Variants in MMP16 observed in about 807,000 individuals in gnomAD.
The protein encoded by MMP16 is matrix metalloproteinase-16.
MMP16 carries 12 observed loss-of-function variants against 67.8 expected under a neutral mutation model. The ratio of observed to expected loss-of-function variants is 0.18; its 90% CI spans 0.11 to 0.29. The LOEUF is 0.29. Among genes scored for constraint, MMP16 ranks in the 10% least tolerant of loss-of-function variants. The probability of loss-of-function intolerance (pLI) is 1.00; values close to 1 mark genes in which losing one functional copy is unlikely to be tolerated. For synonymous variants in MMP16, 249 were observed against 255.9 expected, an observed-to-expected ratio of 0.97 and a Z score of 0.26; for missense variants, 475 against 765.7, an observed-to-expected ratio of 0.62 and a Z score of 4.48.
chr8:88,324,534 C>T (rs1297032756), intron 1 of MMP16, among the ~76,000 whole-genome samples: 1 of 152,104 alleles, frequency 6.6e-6, no homozygotes, highest in Non-Finnish European at 1.5e-5. Context: ...TTTGTTCCAA[C>T]TATAAAAACT....
In MMP16 at chr8:88,079,314, T is replaced by C. The variant is rs148839128; in HGVS notation, c.1084-4571A>G. Among the ~76,000 whole-genome samples, 317 of 152,300 alleles carry C rather than the reference T, an allele frequency of 2.1e-3. 5 individuals are homozygous for C. The highest frequency in any genetic ancestry group is 7.3e-3 in the African/African-American group (304 of 41,572). ...ATAAGGTATTTTGAGAGAGAGACCA[T>C]ATACGCAAAACTTTTATCACAGTAT... On this transcript the variant is annotated intron_variant, in intron 6 of 9. Transcript: ENST00000286614.
chr8:88,163,815 C>T (rs972790763), intron 4 of MMP16, among the ~76,000 whole-genome samples: 1 of 152,014 alleles, frequency 6.6e-6, no homozygotes, highest in African/African-American at 2.4e-5. Flanking sequence ...TATCATGATA[C>T]ATATTTTCTA....
intron 4 of MMP16, among the ~76,000 whole-genome samples, chr8:88,120,109 C>T (rs893995279): frequency 6.6e-6 from 1 of 151,772 alleles, no homozygotes; most frequent in African/African-American, 2.4e-5. Flanking sequence ...TTCCTGTGGT[C>T]TACCTGATTA....
intron 1 of MMP16, among the ~76,000 whole-genome samples, chr8:88,216,308 CAA>C (rs1223738789): frequency 1.3e-5 from 2 of 151,958 alleles, no homozygotes; most frequent in Non-Finnish European, 2.9e-5. Context: ...GGTTAAATAA[CAA>C]AGTTTTAATT....
chr8:88,078,070 C>G (rs1382423645), intron 6 of MMP16, among the ~76,000 whole-genome samples: 1 of 152,004 alleles, frequency 6.6e-6, no homozygotes, highest in Non-Finnish European at 1.5e-5. Context: ...CTCTCTCCCT[C>G]CCTCTTTGTT....
chr8:88,047,883 G>A (rs1367116736), intron 8 of MMP16, among the ~76,000 whole-genome samples: 3 of 152,180 alleles, frequency 2.0e-5, no homozygotes, highest in Non-Finnish European at 4.4e-5. Context: ...CAGTCGGGAT[G>A]TCACTGCAAT....
At chr8:88,166,945 C>G (rs1808724425) in intron 4 of MMP16, among the ~76,000 whole-genome samples, 2 of 151,610 alleles carry the variant, frequency 1.3e-5, no homozygotes, top group Non-Finnish European at 2.9e-5. Flanking sequence ...GCCTGTAACC[C>G]CAGCACTTTG....
chr8:88,295,643 G>C (rs567563838), intron 1 of MMP16, among the ~76,000 whole-genome samples: 9 of 152,010 alleles, frequency 5.9e-5, no homozygotes, highest in Non-Finnish European at 1.3e-4. Flanking sequence ...AGATTTTCAA[G>C]TGTCTTTTTT....
At chr8:88,138,822 A>G (rs1808165353) in intron 4 of MMP16, among the ~76,000 whole-genome samples, 1 of 152,026 alleles carries the variant, frequency 6.6e-6, no homozygotes, top group Non-Finnish European at 1.5e-5. Flanking sequence ...ACACATACAC[A>G]TATACATATA....
chr8:88,326,183 G>A (rs1036181325), intron 1 of MMP16, among the ~76,000 whole-genome samples: 5 of 152,288 alleles, frequency 3.3e-5, no homozygotes, highest in East Asian at 1.9e-4. Context: ...ATGTGATAAA[G>A]TTGTGTTACA....
chr8:88,232,173 G>A (rs13439559), intron 1 of MMP16, among the ~76,000 whole-genome samples: 26,469 of 152,048 alleles, frequency 0.17, 2,449 homozygotes, highest in South Asian at 0.2. Context: ...AACCTTGATA[G>A]ATATTTAATG....
At chr8:88,254,334 C>T (rs917800448) in intron 1 of MMP16, among the ~76,000 whole-genome samples, 4 of 151,864 alleles carry the variant, frequency 2.6e-5, no homozygotes, top group Non-Finnish European at 4.4e-5. Flanking sequence ...GGGAGAGGAT[C>T]AGGAAAAATA....
At chr8:88,202,553 T>C (rs968165572) in intron 1 of MMP16, among the ~76,000 whole-genome samples, 1 of 152,290 alleles carries the variant, frequency 6.6e-6, no homozygotes, top group African/African-American at 2.4e-5. Flanking sequence ...AAGACTATGA[T>C]ATGCCATCTG....
chr8:88,174,409 T>G (rs533517332), intron 3 of MMP16, among the ~76,000 whole-genome samples: 1 of 152,276 alleles, frequency 6.6e-6, no homozygotes, highest in East Asian at 1.9e-4. Flanking sequence ...TCAATAAGCT[T>G]CTATCACTGT....
At chr8:88,128,741 T>G (rs1387458876) in intron 4 of MMP16, among the ~76,000 whole-genome samples, 1 of 151,752 alleles carries the variant, frequency 6.6e-6, no homozygotes, top group East Asian at 2.0e-4. Context: ...AGACCTCCTC[T>G]CTATACTTAG....
At position 88,058,811 on chromosome 8, in the gene MMP16, A is replaced by C. The variant is rs537353039; in HGVS notation, c.1223-2533T>G. On this transcript the variant is annotated intron_variant, in intron 7 of 9. Transcript: ENST00000286614. The surrounding 1 kb of genome is among the most constrained non-coding windows in gnomAD (Gnocchi z 4.2). ...TAGGAGTTGAACTTTATTCTAAATG[A>C]AATAGGAAGTCATTGAACAGTTAAA... is the stretch of plus-strand genomic sequence containing the variant. Among the ~76,000 whole-genome samples, 1 of 152,206 alleles carries C rather than the reference A, an allele frequency of 6.6e-6. No homozygotes were observed. Among genetic ancestry groups the C allele is most frequent in the Admixed American group, 6.6e-5 (1 of 15,254 alleles).
chr8:88,106,188 C>T (rs1045759854), intron 6 of MMP16, among the ~76,000 whole-genome samples: 19 of 150,940 alleles, frequency 1.3e-4, no homozygotes, highest in Non-Finnish European at 2.2e-4. Context: ...TTTCTTGTAT[C>T]CCTTTTAGGG....
chr8:88,081,952 A>C (rs2118311226), intron 6 of MMP16, among the ~76,000 whole-genome samples: 1 of 152,130 alleles, frequency 6.6e-6, no homozygotes. Flanking sequence ...GTGACCAATA[A>C]ATTTGAAAAA....
At chr8:88,074,453 A>C in intron 7 of MMP16, 152 bp downstream of exon 7, 1 of 652,918 alleles carries the variant, frequency 1.5e-6, no homozygotes, top group Non-Finnish European at 2.3e-6. Flanking sequence ...ATAAAAAATG[A>C]AAATTATCTT....
Sources: allele counts gnomAD v4.1 joint callset (sites outside exome capture counted in the v4.1 genomes callset), GRCh38; gene constraint gnomAD v4.1.1; non-coding constraint Gnocchi (gnomAD v3.1); transcripts MANE v1.5; gene names NCBI Gene and HGNC (gene_info 2026-07-23, HGNC 2026-07-21).